Variants in ADRA1B observed in about 807,000 individuals in gnomAD.
ADRA1B encodes the protein adrenoceptor alpha 1B, also known as alpha-1B adrenergic receptor.
A neutral mutation model predicts 17.9 loss-of-function variants in ADRA1B; 17 were observed. The observed-to-expected ratio is 0.95, with a 90% confidence interval of 0.65 to 1.42. The LOEUF (loss-of-function observed/expected upper bound fraction) is 1.42. Ranked by LOEUF, ADRA1B falls within the 40% of genes most tolerant of loss-of-function variation. The probability of loss-of-function intolerance (pLI) is 0.00; values close to 1 mark genes in which losing one functional copy is unlikely to be tolerated. For missense variants in ADRA1B, 681 were observed against 722.1 expected, an observed-to-expected ratio of 0.94 and a Z score of 0.65; for synonymous variants, 366 against 327.6, an observed-to-expected ratio of 1.12 and a Z score of -1.27.
intron 1 of ADRA1B, among the ~76,000 whole-genome samples, chr5:159,965,145 A>G (rs1755750955): frequency 6.6e-6 from 1 of 152,212 alleles, no homozygotes; most frequent in Non-Finnish European, 1.5e-5. Flanking sequence ...ATGAATGGCA[A>G]CTTGAACAGG....
intron 1 of ADRA1B, among the ~76,000 whole-genome samples, chr5:159,955,910 A>G (rs1007248979): frequency 7.9e-5 from 12 of 151,446 alleles, no homozygotes; most frequent in Admixed American, 7.2e-4. Flanking sequence ...CTCTCCCTCA[A>G]TCTTTCTCTT....
At chr5:159,950,394 T>A (rs1350158278) in intron 1 of ADRA1B, 2 of 654,074 alleles carry the variant, frequency 3.1e-6, no homozygotes, top group Non-Finnish European at 5.5e-6. Flanking sequence ...GAGGGGAGAG[T>A]CTCAGTGTCA....
chr5:159,896,586 G>A (rs12658337), intron 1 of ADRA1B, among the ~76,000 whole-genome samples: 15,499 of 152,222 alleles, frequency 0.1, 1,036 homozygotes, highest in African/African-American at 0.19. Context: ...CAGGTATCCC[G>A]TATTTCTCAG....
chr5:159,969,480 T>G (rs1207481894), intron 1 of ADRA1B, among the ~76,000 whole-genome samples: 1 of 152,346 alleles, frequency 6.6e-6, no homozygotes, highest in East Asian at 1.9e-4. Context: ...TGGGAATCCT[T>G]GTGGCATCTG....
chr5:159,952,647 C>T (rs1233032008), intron 1 of ADRA1B, among the ~76,000 whole-genome samples: 3 of 152,126 alleles, frequency 2.0e-5, no homozygotes, highest in African/African-American at 7.2e-5. Context: ...AATTGCATCT[C>T]CCACCTAGAA....
intron 1 of ADRA1B, among the ~76,000 whole-genome samples, chr5:159,887,058 T>C (rs1355315853): frequency 6.6e-6 from 1 of 152,124 alleles, no homozygotes; most frequent in Non-Finnish European, 1.5e-5. Flanking sequence ...GGTCAAAGAT[T>C]CTCCTTAGTA....
chr5:159,917,343 G>C lies in ADRA1B; in HGVS notation c.438G>C (p.Gly146=). 1 of 1,613,946 alleles carries C rather than the reference G, an allele frequency of 6.2e-7. No individual in the cohort carries two copies. Among genetic ancestry groups the C allele is most frequent in the East Asian group, 2.2e-5 (1 of 44,858 alleles). The change falls in exon 1 of 2, where the codon GGG becomes GGC. Residue 146 remains glycine (G), a synonymous_variant. Transcript: ENST00000306675. ...CCATCTCCATCGATCGCTACATCGG[G>C]GTGCGCTACTCTCTGCAGTATCCCA... ...LCAISIDRYI[G]VRYSLQYPTL...
At chr5:159,910,472 C>G (rs1047948429) in intron 1 of ADRA1B, among the ~76,000 whole-genome samples, 8 of 152,316 alleles carry the variant, frequency 5.3e-5, no homozygotes, top group African/African-American at 1.7e-4. Context: ...AAATTTCTCC[C>G]TCTTTCTGGG....
intron 1 of ADRA1B, among the ~76,000 whole-genome samples, chr5:159,900,466 A>G (rs186286297): frequency 3.2e-3 from 481 of 152,218 alleles, no homozygotes; most frequent in African/African-American, 0.011. Flanking sequence ...TGGGCATTGC[A>G]TATTTGGTTG....
At chr5:159,969,567 T>A (rs997518170) in intron 1 of ADRA1B, among the ~76,000 whole-genome samples, 1 of 152,196 alleles carries the variant, frequency 6.6e-6, no homozygotes, top group Admixed American at 6.5e-5. Context: ...GACTTGGCAG[T>A]TGCTAAGATC....
At chr5:159,947,188 A>G (rs1162794894) in intron 1 of ADRA1B, among the ~76,000 whole-genome samples, 1 of 152,116 alleles carries the variant, frequency 6.6e-6, no homozygotes, top group East Asian at 1.9e-4. Flanking sequence ...TAAATAATAG[A>G]AAAATTAGCG....
upstream of ADRA1B, among the ~76,000 whole-genome samples, chr5:159,912,236 G>C (rs1444758460): frequency 6.6e-6 from 1 of 152,222 alleles, no homozygotes; most frequent in African/African-American, 2.4e-5. Context: ...ACTGGGCCCA[G>C]AGTGGTTAAG....
chr5:159,948,938 T>C (rs1174144974), intron 1 of ADRA1B, among the ~76,000 whole-genome samples: 1 of 152,198 alleles, frequency 6.6e-6, no homozygotes, highest in Admixed American at 6.5e-5. Flanking sequence ...TAAATAATAT[T>C]ATCTCCATTT....
At chr5:159,882,574 A>C (rs967035058) in intron 1 of ADRA1B, among the ~76,000 whole-genome samples, 3 of 152,198 alleles carry the variant, frequency 2.0e-5, no homozygotes, top group African/African-American at 7.2e-5. Context: ...ATTTCTGACA[A>C]GGAAAACTGT....
intron 1 of ADRA1B, chr5:159,869,847 G>A (rs185147589): frequency 2.4e-4 from 37 of 152,288 alleles, no homozygotes; most frequent in African/African-American, 7.5e-4. Flanking sequence ...ATGTAAAGCA[G>A]TTTTGAACAG....
At chr5:159,965,160 G>T (rs1755751190) in intron 1 of ADRA1B, among the ~76,000 whole-genome samples, 1 of 152,154 alleles carries the variant, frequency 6.6e-6, no homozygotes, top group Non-Finnish European at 1.5e-5. Flanking sequence ...AACAGGTCGT[G>T]GTGGCCACTC....
chr5:159,874,840 C>T (rs1753785133), intron 1 of ADRA1B, among the ~76,000 whole-genome samples: 1 of 152,180 alleles, frequency 6.6e-6, no homozygotes, highest in Non-Finnish European at 1.5e-5. Context: ...CTAGAGGGCC[C>T]CGTTTGAATT....
the ADRA1B span, among the ~76,000 whole-genome samples, chr5:159,985,704 A>C: frequency 6.6e-6 from 1 of 152,222 alleles, no homozygotes; most frequent in Non-Finnish European, 1.5e-5. Context: ...GGTCTGGAAA[A>C]GGACTGGAAA....
the ADRA1B span, among the ~76,000 whole-genome samples, chr5:159,981,749 G>A: frequency 6.6e-6 from 1 of 152,134 alleles, no homozygotes; most frequent in Non-Finnish European, 1.5e-5. Flanking sequence ...GCCCGCCTCG[G>A]CCTCCCAAAG....
Sources: allele counts gnomAD v4.1 joint callset (sites outside exome capture counted in the v4.1 genomes callset), GRCh38; gene constraint gnomAD v4.1.1; transcripts MANE v1.5; gene names NCBI Gene and HGNC (gene_info 2026-07-23, HGNC 2026-07-21).